CDH13: variants seen among roughly 807,000 people sequenced by gnomAD.
The protein encoded by CDH13 is cadherin-13.
Under a neutral mutation model 63.8 loss-of-function variants are expected in CDH13, and 24 were observed. The observed-to-expected ratio is 0.38, with a 90% CI of 0.27 to 0.53. The LOEUF (loss-of-function observed/expected upper bound fraction) is 0.53, where lower values mean the gene tolerates loss of function less well. Among genes scored for constraint, CDH13 ranks in the 20% least tolerant of loss-of-function variants. The probability of loss-of-function intolerance (pLI) is 0.85; values close to 1 mark genes in which losing one functional copy is unlikely to be tolerated. For missense variants in CDH13, 1,049 were observed against 903.1 expected (o/e 1.16, Z -2.07); for synonymous variants, 503 against 355.3 (o/e 1.42, Z -4.67).
At chr16:83,376,350 G>A (rs1001850917) in intron 6 of CDH13, among the ~76,000 whole-genome samples, 1 of 152,204 alleles carries the variant, frequency 6.6e-6, no homozygotes, top group African/African-American at 2.4e-5. Context: ...GGGGAAAGGT[G>A]ATACCAGCCC....
At chr16:83,555,683 A>C (rs1203663829) in intron 7 of CDH13, among the ~76,000 whole-genome samples, 1 of 152,224 alleles carries the variant, frequency 6.6e-6, no homozygotes, top group African/African-American at 2.4e-5. Flanking sequence ...TGAGAAACGC[A>C]ATCTGTTTGG....
chr16:83,708,383 G>C (rs1907469146), intron 10 of CDH13, among the ~76,000 whole-genome samples: 1 of 152,202 alleles, frequency 6.6e-6, no homozygotes, highest in Non-Finnish European at 1.5e-5. Flanking sequence ...GGTGGTTCAG[G>C]TTTCTGGAAG....
At chr16:82,863,799 A>G (rs1467450411) in intron 2 of CDH13, among the ~76,000 whole-genome samples, 1 of 152,228 alleles carries the variant, frequency 6.6e-6, no homozygotes, top group African/African-American at 2.4e-5. Flanking sequence ...AAATACAAAC[A>G]GGTGAAGAAG....
At chr16:83,571,021 A>C (rs535985033) in intron 7 of CDH13, among the ~76,000 whole-genome samples, 12 of 147,192 alleles carry the variant, frequency 8.2e-5, no homozygotes, top group Admixed American at 2.1e-4. Flanking sequence ...TAAACATTCA[A>C]AAGCAGAGGA....
In CDH13 at chr16:82,632,209, A is replaced by G. The variant is rs112909803; in HGVS notation, c.45+5072A>G. On this transcript the variant is annotated intron_variant, in intron 1 of 13. Coordinates refer to ENST00000567109, the MANE Select transcript of CDH13 (RefSeq NM_001257.5). ...CTCTACTACCCAGCCTTCTGTGCTC[A>G]CTAATTTTGCCTGCTTGCCCCTAGG... Among the ~76,000 whole-genome samples the G allele has an allele frequency of 9.9e-3, 1,500 of 152,198 alleles. 21 individuals are homozygous for G. Among genetic ancestry groups the G allele is most frequent in the African/African-American group, 0.035 (1,443 of 41,510 alleles).
chr16:83,315,440 C>G (rs1344846957), intron 5 of CDH13, among the ~76,000 whole-genome samples: 1 of 152,170 alleles, frequency 6.6e-6, no homozygotes, highest in Non-Finnish European at 1.5e-5. Flanking sequence ...CACCTCCAAC[C>G]CCACTGTGTG....
At position 83,603,432 on chromosome 16, in the gene CDH13, A is replaced by G. The variant is rs372759035; in HGVS notation, c.1101+838A>G. Among the ~76,000 whole-genome samples, 47 of 152,274 alleles carry G rather than the reference A, an allele frequency of 3.1e-4. 1 individual carries two copies. Among genetic ancestry groups the G allele is most frequent in the African/African-American group, 1.1e-3 (44 of 41,544 alleles). On this transcript the variant is annotated intron_variant, in intron 8 of 13. Transcript: ENST00000567109. ...TTGACTGTGTGAGCCTGGCTTTACC[A>G]TTTTACAAATGAGCTTACTGTGATG... is the stretch of plus-strand genomic sequence containing the variant.
intron 10 of CDH13, among the ~76,000 whole-genome samples, chr16:83,747,783 G>A (rs1412855155): frequency 6.7e-6 from 1 of 149,298 alleles, no homozygotes; most frequent in Non-Finnish European, 1.5e-5. Flanking sequence ...AGGTGTGAAA[G>A]AAACAAGACT....
intron 3 of CDH13, among the ~76,000 whole-genome samples, chr16:83,066,465 C>T (rs577682740): frequency 6.6e-6 from 1 of 152,138 alleles, no homozygotes; most frequent in Non-Finnish European, 1.5e-5. Context: ...CCGAGGACCT[C>T]CTGAAGTCAT....
intron 13 of CDH13, among the ~76,000 whole-genome samples, chr16:83,786,111 A>C (rs1448440075): frequency 2.0e-5 from 3 of 152,152 alleles, no homozygotes; most frequent in African/African-American, 7.2e-5. Flanking sequence ...CAGTATGAGA[A>C]TTTCTATAGC....
chr16:83,261,602 GC>G (rs1245408566), intron 5 of CDH13, among the ~76,000 whole-genome samples: 1 of 152,014 alleles, frequency 6.6e-6, no homozygotes, highest in Non-Finnish European at 1.5e-5. Context: ...GCCCAGGACA[GC>G]CCCCATGACA....
intron 7 of CDH13, among the ~76,000 whole-genome samples, chr16:83,551,953 T>C (rs1158688328): frequency 1.3e-5 from 2 of 152,144 alleles, no homozygotes; most frequent in African/African-American, 4.8e-5. Flanking sequence ...AGTGGATAGG[T>C]GGATGGATGG....
At chr16:82,890,708 A>G (rs563975369) in intron 2 of CDH13, among the ~76,000 whole-genome samples, 2 of 150,542 alleles carry the variant, frequency 1.3e-5, no homozygotes, top group Non-Finnish European at 2.9e-5. Context: ...CTAGAGTGCA[A>G]TGGCATGATC....
chr16:82,721,989 C>T (rs776983389), intron 1 of CDH13, among the ~76,000 whole-genome samples: 28 of 152,170 alleles, frequency 1.8e-4, no homozygotes, highest in Non-Finnish European at 3.7e-4. Flanking sequence ...TACCCTCTCT[C>T]ACTGACCCAT....
chr16:83,237,842 T>C (rs565098316), intron 5 of CDH13, among the ~76,000 whole-genome samples: 1 of 152,362 alleles, frequency 6.6e-6, no homozygotes, highest in African/African-American at 2.4e-5. Context: ...GGGCAAATAA[T>C]AAATACTTGA....
intron 2 of CDH13, among the ~76,000 whole-genome samples, chr16:82,862,378 C>G (rs2039978812): frequency 6.6e-6 from 1 of 152,208 alleles, no homozygotes; most frequent in African/African-American, 2.4e-5. Flanking sequence ...ACAGGATAGT[C>G]TGCTTTGATA....
Position 83,700,493 on chromosome 16 carries a change from T to C in CDH13, c.1538+22032T>C, listed in dbSNP as rs1398415599. ...AGCACCTACTATGTGCCAGGCACTG[T>C]TGTTAGGGACAGAGTGGGAATCAGG... is the stretch of plus-strand genomic sequence containing the variant. On this transcript the variant is annotated intron_variant, in intron 10 of 13. Transcript: ENST00000567109. Among the ~76,000 whole-genome samples, 4 of 152,224 alleles carry C rather than the reference T, an allele frequency of 2.6e-5. No homozygotes were observed. In the East Asian group the frequency reaches 7.7e-4, roughly 29 times the overall value.
At chr16:83,199,958 C>T (rs1018490133) in intron 4 of CDH13, among the ~76,000 whole-genome samples, 22 of 152,142 alleles carry the variant, frequency 1.4e-4, no homozygotes, top group African/African-American at 4.6e-4. Context: ...GGCTATTGCT[C>T]GGGACCTAGA....
intron 11 of CDH13, among the ~76,000 whole-genome samples, chr16:83,767,964 T>C (rs1223382613): frequency 6.6e-5 from 10 of 151,734 alleles, no homozygotes; most frequent in Admixed American, 6.6e-4. Context: ...AAATTAATAG[T>C]CGCAAAAATA....
Sources: gnomAD v4.1 joint callset for allele counts (sites outside exome capture counted in the v4.1 genomes callset) on GRCh38, gnomAD v4.1.1 for gene constraint, MANE v1.5 for transcripts, NCBI Gene and HGNC (gene_info 2026-07-23, HGNC 2026-07-21) for gene names.